Variants in RBFOX1 observed in about 807,000 individuals in gnomAD.
The protein encoded by RBFOX1 is RNA binding protein fox-1 homolog 1.
A neutral mutation model predicts 57.7 loss-of-function variants in RBFOX1; 8 were observed. That is an observed-to-expected ratio of 0.14 (90% CI 0.08 to 0.25). The LOEUF (loss-of-function observed/expected upper bound fraction) is 0.25. Among genes scored for constraint, RBFOX1 ranks in the 10% least tolerant of loss-of-function variants. The pLI is 1.00. For synonymous variants in RBFOX1, 326 were observed against 222.4 expected, an observed-to-expected ratio of 1.47 and a Z score of -4.15; for missense variants, 611 against 548.5, an observed-to-expected ratio of 1.11 and a Z score of -1.14.
intron 3 of RBFOX1, among the ~76,000 whole-genome samples, chr16:5,750,025 G>T (rs919089998): frequency 6.6e-6 from 1 of 152,156 alleles, no homozygotes; most frequent in East Asian, 1.9e-4. Flanking sequence ...TTATGATGGT[G>T]ATGTACAGAT....
intron 3 of RBFOX1, among the ~76,000 whole-genome samples, chr16:6,812,746 A>G (rs1603627879): frequency 6.6e-6 from 1 of 152,032 alleles, no homozygotes; most frequent in South Asian, 2.1e-4. Flanking sequence ...TGCAACATGG[A>G]TTGTTGGAGG....
chr16:7,703,002 T>G (rs2081269914), intron 14 of RBFOX1, among the ~76,000 whole-genome samples: 1 of 151,988 alleles, frequency 6.6e-6, no homozygotes, highest in African/African-American at 2.4e-5. Context: ...ACCAGGGGGG[T>G]AGACAGCAGA....
At chr16:6,410,250 T>A (rs980324660) in intron 2 of RBFOX1, among the ~76,000 whole-genome samples, 4 of 147,536 alleles carry the variant, frequency 2.7e-5, no homozygotes, top group African/African-American at 1.0e-4. Context: ...AAATAAATAA[T>A]CCAAAGGTAG....
chr16:6,851,014 C>T (rs778404722), intron 3 of RBFOX1, among the ~76,000 whole-genome samples: 2 of 152,116 alleles, frequency 1.3e-5, no homozygotes, highest in Non-Finnish European at 2.9e-5. Flanking sequence ...TGTGATAATC[C>T]ACACTGTGGA....
At chr16:6,602,199 C>G (rs180963312) in intron 2 of RBFOX1, among the ~76,000 whole-genome samples, 4 of 151,978 alleles carry the variant, frequency 2.6e-5, no homozygotes, top group East Asian at 1.9e-4. Flanking sequence ...TTTAGGAGTT[C>G]TTTATACATT....
intron 2 of RBFOX1, among the ~76,000 whole-genome samples, chr16:6,324,839 C>G (rs1465196740): frequency 6.6e-6 from 1 of 152,176 alleles, no homozygotes; most frequent in Non-Finnish European, 1.5e-5. Context: ...GTATCATTAT[C>G]TCAGCAAGAC....
intron 3 of RBFOX1, among the ~76,000 whole-genome samples, chr16:6,959,734 C>T (rs145583386): frequency 5.3e-5 from 8 of 152,090 alleles, no homozygotes; most frequent in Middle Eastern, 3.4e-3. Context: ...GTCAGGAGTT[C>T]GAGACCAGCC....
At chr16:5,493,318 C>T (rs1195925742) in intron 2 of RBFOX1, among the ~76,000 whole-genome samples, 2 of 152,174 alleles carry the variant, frequency 1.3e-5, no homozygotes, top group African/African-American at 4.8e-5. Context: ...GCAACCCTCC[C>T]ACCTTGGCCT....
At chr16:7,320,558 C>G (rs780673747) in intron 4 of RBFOX1, among the ~76,000 whole-genome samples, 4 of 152,164 alleles carry the variant, frequency 2.6e-5, no homozygotes, top group African/African-American at 9.7e-5. Context: ...CACTTTTGTA[C>G]TAGTCCAGAA....
chr16:6,971,950 T>G (rs937683052), intron 3 of RBFOX1, among the ~76,000 whole-genome samples: 1 of 152,018 alleles, frequency 6.6e-6, no homozygotes, highest in Non-Finnish European at 1.5e-5. Context: ...TGCGGGAGAA[T>G]GTGAATGAGC....
intron 4 of RBFOX1, among the ~76,000 whole-genome samples, chr16:7,418,564 C>G (rs1353032156): frequency 6.6e-6 from 1 of 152,228 alleles, no homozygotes; most frequent in Non-Finnish European, 1.5e-5. Flanking sequence ...TGTAAATAGT[C>G]AGTAGACATT....
At chr16:5,528,404 T>C (rs1385774448) in intron 2 of RBFOX1, among the ~76,000 whole-genome samples, 1 of 152,162 alleles carries the variant, frequency 6.6e-6, no homozygotes, top group Admixed American at 6.5e-5. Flanking sequence ...TACGTTGTGT[T>C]AACTCTGTGC....
At chr16:5,653,834 G>A (rs116404123) in intron 3 of RBFOX1, among the ~76,000 whole-genome samples, 1 of 152,196 alleles carries the variant, frequency 6.6e-6, no homozygotes, top group Non-Finnish European at 1.5e-5. Flanking sequence ...TGGATGCTGG[G>A]TCAGGGGTCC....
rs533585691 is a variant in RBFOX1 at position 7,169,835 on chromosome 16, C to A, written c.27+117737C>A. 8.5e-4 allele frequency among the ~76,000 whole-genome samples: 129 copies of A among 151,822 alleles called. 1 individual carries two copies. The highest frequency in any genetic ancestry group is 3.0e-3 in the African/African-American group (123 of 41,376). On this transcript the variant is annotated intron_variant, in intron 4 of 15. Coordinates refer to ENST00000550418, the MANE Select transcript of RBFOX1 (RefSeq NM_018723.4). Reference sequence around the variant, plus strand: ...CTGTAATCCCTGCACTTTGGCAGGGCCAAAGCAGGCTGATCGCTTGAGTCC... The same window carrying A: ...CTGTAATCCCTGCACTTTGGCAGGGACAAAGCAGGCTGATCGCTTGAGTCC...
chr16:6,745,036 A>G (rs943560047), intron 3 of RBFOX1, among the ~76,000 whole-genome samples: 1 of 152,090 alleles, frequency 6.6e-6, no homozygotes, highest in Admixed American at 6.5e-5. Context: ...AAAGAAAAAT[A>G]AGATCATATT....
rs1439918039 is a variant in RBFOX1 at position 6,392,608 on chromosome 16, C to G, written c.-64+75551C>G. 5.3e-5 allele frequency among the ~76,000 whole-genome samples: 8 copies of G among 152,286 alleles called. No individual in the cohort carries two copies. The East Asian group carries it at 1.4e-3, about 26-fold the overall frequency. On this transcript the variant is annotated intron_variant, in intron 2 of 15. Coordinates refer to ENST00000550418, the MANE Select transcript of RBFOX1 (RefSeq NM_018723.4). ...GAATATGGTAATATCCCTTTGCTCT[C>G]CTCCGCACACTGAGGAACCTTTTCC...
Position 7,630,669 on chromosome 16 carries a change from T to C in RBFOX1, c.743T>C (p.Val248Ala). ...SSMYSAPSSL[V>A]YTSAMPGFPY... ...ATGTACAGTGCCCCCAGTTCACTTG[T>C]ATATACTTCTGCAAGTAAGCCCACT... The change falls in exon 11 of 16, where the codon GTA (valine) becomes GCA (alanine). Residue 248 changes from valine (V) to alanine (A), a missense_variant. By Grantham distance (64) the Val-to-Ala change is moderately conservative. Coordinates refer to ENST00000550418, the MANE Select transcript of RBFOX1 (RefSeq NM_018723.4). The C allele has an allele frequency of 6.2e-7, 1 of 1,614,202 alleles. No homozygotes were observed.
intron 1 of RBFOX1, among the ~76,000 whole-genome samples, chr16:5,248,601 C>T (rs946896205): frequency 4.6e-5 from 7 of 152,196 alleles, no homozygotes; most frequent in South Asian, 2.1e-4. Context: ...GGCCGTGGAG[C>T]GCTTGGGGGG....
intron 3 of RBFOX1, among the ~76,000 whole-genome samples, chr16:5,729,768 C>T (rs927391621): frequency 4.6e-5 from 7 of 152,194 alleles, no homozygotes; most frequent in African/African-American, 1.7e-4. Flanking sequence ...AGACACCACT[C>T]TAGCTGGTTT....
Sources: gnomAD v4.1 joint callset for allele counts (sites outside exome capture counted in the v4.1 genomes callset) on GRCh38, gnomAD v4.1.1 for gene constraint, MANE v1.5 for transcripts, NCBI Gene and HGNC (gene_info 2026-07-23, HGNC 2026-07-21) for gene names.